Variants in FBXL2 observed in about 807,000 individuals in gnomAD.
The protein encoded by FBXL2 is F-box and leucine rich repeat protein 2.
Under a neutral mutation model 69.2 loss-of-function variants are expected in FBXL2, and 38 were observed. The ratio of observed to expected loss-of-function variants is 0.55; its 90% confidence interval spans 0.42 to 0.72. The LOEUF (loss-of-function observed/expected upper bound fraction) is 0.72. Among genes scored for constraint, FBXL2 ranks in the 30% least tolerant of loss-of-function variants. FBXL2 has a pLI of 0.00. For missense variants in FBXL2, 354 were observed against 520.3 expected (o/e 0.68, Z 3.11); for synonymous variants, 192 against 201.3 (o/e 0.95, Z 0.39).
At chr3:33,343,117 G>A (rs2040188422) in intron 2 of FBXL2, among the ~76,000 whole-genome samples, 1 of 151,546 alleles carries the variant, frequency 6.6e-6, no homozygotes. Flanking sequence ...GATTTTGCAG[G>A]TACTCATGAA....
At chr3:33,320,390 T>C (rs2038088124) in intron 2 of FBXL2, among the ~76,000 whole-genome samples, 1 of 151,630 alleles carries the variant, frequency 6.6e-6, no homozygotes. Context: ...ACAAAAAAAA[T>C]CATAATTGAA....
intron 12 of FBXL2, chr3:33,402,972 T>C: frequency 7.5e-7 from 1 of 1,332,370 alleles, no homozygotes; most frequent in Non-Finnish European, 1.0e-6. Flanking sequence ...ATTTTTGTAA[T>C]TCACTCACTA....
At chr3:33,398,320 A>G (rs2044087498) in intron 12 of FBXL2, 1 of 152,232 alleles carries the variant, frequency 6.6e-6, no homozygotes, top group African/African-American at 2.4e-5. Flanking sequence ...CAAAGATCAG[A>G]GAAGCACATC....
the FBXL2 span, chr3:33,409,302 C>T: frequency 6.2e-7 from 1 of 1,614,120 alleles, no homozygotes; most frequent in Non-Finnish European, 8.5e-7. Context: ...TTCTCTTCTC[C>T]ATCTTCTCTC....
At chr3:33,371,970 T>G (rs2042331715) in intron 5 of FBXL2, among the ~76,000 whole-genome samples, 1 of 152,208 alleles carries the variant, frequency 6.6e-6, no homozygotes, top group Admixed American at 6.5e-5. Flanking sequence ...GCACTATTCC[T>G]TGCCCTCGGT....
chr3:33,392,369 T>G, downstream of FBXL2: 1 of 511,040 alleles, frequency 2.0e-6, no homozygotes, highest in Non-Finnish European at 3.3e-6. Context: ...TTTCCAGTCA[T>G]CTAGAAAGAC....
At chr3:33,403,526 G>GTCTGTCT (rs1371618263) in exon 13 of FBXL2, 1 of 150,362 alleles carries the variant, frequency 6.7e-6, no homozygotes, top group Admixed American at 6.6e-5. Context: ...CTGTCTGTCT[G>GTCTGTCT]GTCTGTCTAT....
At chr3:33,379,840 G>A (rs2042910985) in intron 13 of FBXL2, among the ~76,000 whole-genome samples, 1 of 152,104 alleles carries the variant, frequency 6.6e-6, no homozygotes. Flanking sequence ...AGACACAAGT[G>A]TAGTTTAATA....
chr3:33,278,796 G>A (rs2033630548), intron 1 of FBXL2, among the ~76,000 whole-genome samples: 1 of 152,112 alleles, frequency 6.6e-6, no homozygotes, highest in African/African-American at 2.4e-5. Context: ...AATGGAGCTG[G>A]CAAGAGTTTC....
upstream of FBXL2, chr3:33,277,365 T>G (rs2033373530): frequency 7.1e-6 from 6 of 846,890 alleles, no homozygotes; most frequent in Non-Finnish European, 4.7e-6. Flanking sequence ...GCACCGCCCC[T>G]GCGGGTCACG....
chr3:33,298,602 A>G (rs1001274608), intron 2 of FBXL2, among the ~76,000 whole-genome samples: 2 of 150,454 alleles, frequency 1.3e-5, no homozygotes, highest in Admixed American at 1.3e-4. Context: ...AGGCTGAGGC[A>G]GGAGAATCAT....
intron 12 of FBXL2, chr3:33,400,043 A>T (rs192908814): frequency 6.7e-6 from 3 of 447,354 alleles, no homozygotes; most frequent in Non-Finnish European, 1.1e-5. Flanking sequence ...CTATTGGGGG[A>T]TAGATATAAA....
downstream of FBXL2, chr3:33,390,322 T>C (rs2043706997): frequency 3.1e-6 from 5 of 1,613,828 alleles, no homozygotes; most frequent in Non-Finnish European, 4.2e-6. Flanking sequence ...GTTCAGTCTA[T>C]ATAAGACATC....
chr3:33,405,928 T>G (rs2044407463), downstream of FBXL2, among the ~76,000 whole-genome samples: 2 of 152,056 alleles, frequency 1.3e-5, no homozygotes, highest in African/African-American at 4.8e-5. Context: ...ACATGGAAAA[T>G]AATCTCAACT....
chr3:33,347,050 TC>T (rs1291722477), intron 2 of FBXL2, among the ~76,000 whole-genome samples: 2 of 152,118 alleles, frequency 1.3e-5, no homozygotes, highest in Non-Finnish European at 2.9e-5. Flanking sequence ...AAATACTAGG[TC>T]TTATTCGTTC....
intron 1 of FBXL2, among the ~76,000 whole-genome samples, chr3:33,291,491 T>G (rs188537577): frequency 6.6e-6 from 1 of 152,310 alleles, no homozygotes; most frequent in Admixed American, 6.5e-5. Context: ...ATATGTTTCT[T>G]TAATACATAC....
At chr3:33,334,992 C>G (rs1194427181) in intron 2 of FBXL2, among the ~76,000 whole-genome samples, 1 of 151,852 alleles carries the variant, frequency 6.6e-6, no homozygotes, top group Non-Finnish European at 1.5e-5. Context: ...TCTCAGCTAC[C>G]TGGGAGGCTG....
chr3:33,288,377 T>C (rs2034869132), intron 1 of FBXL2, among the ~76,000 whole-genome samples: 1 of 152,214 alleles, frequency 6.6e-6, no homozygotes, highest in Non-Finnish European at 1.5e-5. Flanking sequence ...ATGGAACTTA[T>C]ATTCTAGTGG....
chr3:33,411,164 A>G, the FBXL2 span, among the ~76,000 whole-genome samples: 2 of 152,178 alleles, frequency 1.3e-5, no homozygotes, highest in Admixed American at 6.5e-5. Context: ...TACATGGACA[A>G]TTAGTCATCA....
Sources: allele counts gnomAD v4.1 joint callset (sites outside exome capture counted in the v4.1 genomes callset), GRCh38; gene constraint gnomAD v4.1.1; transcripts MANE v1.5; gene names NCBI Gene and HGNC (gene_info 2026-07-23, HGNC 2026-07-21).